The following INKA2 variants were observed in gnomAD, a reference collection of about 807,000 sequenced individuals.
INKA2 encodes the protein PAK4-inhibitor INKA2.
In INKA2, 3 loss-of-function variants were observed where a neutral mutation model predicts 9.8. The ratio of observed to expected loss-of-function variants is 0.31; its 90% CI spans 0.14 to 0.79. The LOEUF (loss-of-function observed/expected upper bound fraction) is 0.79, where lower values mean the gene tolerates loss of function less well. Ranked by LOEUF, INKA2 falls within the 30% of genes least tolerant of loss-of-function variation. INKA2 has a pLI of 0.62. For synonymous variants in INKA2, 147 were observed against 143.3 expected, an observed-to-expected ratio of 1.03 and a Z score of -0.18; for missense variants, 392 against 384.4, an observed-to-expected ratio of 1.02 and a Z score of -0.17.
rs1470734959 is a variant in INKA2, at chr1:111,724,456, A to G, written c.*2512T>C. ...TCATTCCAGACTTGGAGCTGGTGTC[A>G]TCTTGAATAATATGCTAGATGGCTT... On this transcript the variant is annotated 3_prime_UTR_variant, in exon 2 of 2. Coordinates refer to ENST00000357260, the MANE Select transcript of INKA2 (RefSeq NM_019099.5). 1.3e-5 allele frequency: 2 copies of G among 152,202 alleles called. No individual in the cohort carries two copies. The highest frequency in any genetic ancestry group is 4.8e-5 in the African/African-American group (2 of 41,420). 9.4% of individuals were successfully genotyped at this position (152,202 alleles called of 1,614,324 possible). A position where few individuals can be genotyped will look rare whatever the true frequency, so the allele number is the denominator to read the frequency against.
upstream of INKA2, among the ~76,000 whole-genome samples, chr1:111,740,324 G>T (rs531030521): frequency 2.0e-5 from 3 of 152,292 alleles, no homozygotes; most frequent in East Asian, 5.8e-4. Context: ...CGCCAGCCAG[G>T]CCCTGGAGGA....
chr1:111,746,638 A>C (rs1354204254), intron 1 of INKA2: 1 of 152,230 alleles, frequency 6.6e-6, no homozygotes, highest in Non-Finnish European at 1.5e-5. Flanking sequence ...CTGGAAGAAA[A>C]GATTTGTGGG....
At position 111,739,290 on chromosome 1, in the gene INKA2, C is replaced by T. The variant is rs1224882704; in HGVS notation, c.-48G>A. 4.3e-6 allele frequency: 7 copies of T among 1,610,816 alleles called. No individual in the cohort carries two copies. The highest frequency in any genetic ancestry group is 1.1e-5 in the South Asian group (1 of 90,726). ...TCAAACAGAGAGGGCCCGGGTGAAA[C>T]CCCGGCCCCACTGGAAACTGCGCTC... is the stretch of plus-strand genomic sequence containing the variant. On this transcript the variant is annotated 5_prime_UTR_variant, in exon 1 of 2. Coordinates refer to ENST00000357260, the MANE Select transcript of INKA2 (RefSeq NM_019099.5).
Position 111,723,508 on chromosome 1 carries a change from C to T in INKA2, c.*3460G>A, listed in dbSNP as rs1180591630. Reference sequence around the variant, plus strand: ...TGGAACCTTCCACAGATACCTGGGCCAATCAGGTGGCCCTTGTACCTGCCA... The same window carrying T: ...TGGAACCTTCCACAGATACCTGGGCTAATCAGGTGGCCCTTGTACCTGCCA... On this transcript the variant is annotated 3_prime_UTR_variant, in exon 2 of 2. Transcript: ENST00000357260. 1.8e-5 allele frequency: 3 copies of T among 171,182 alleles called. No individual in the cohort carries two copies. The highest frequency in any genetic ancestry group is 7.2e-5 in the African/African-American group (3 of 41,718). 10.6% of individuals were successfully genotyped at this position (171,182 alleles called of 1,614,324 possible).
chr1:111,733,198 T>TTA (rs887722794), intron 1 of INKA2, among the ~76,000 whole-genome samples: 2 of 152,236 alleles, frequency 1.3e-5, no homozygotes, highest in African/African-American at 4.8e-5. Context: ...TCCTATCTGT[T>TTA]TATGTAAATA....
chr1:111,753,755 G>A (rs1007231333), intron 1 of INKA2: 1 of 152,180 alleles, frequency 6.6e-6, no homozygotes, highest in East Asian at 1.9e-4. Context: ...GGAGGGCCTA[G>A]GATGACAAAA....
intron 1 of INKA2, among the ~76,000 whole-genome samples, chr1:111,745,072 A>C (rs999407151): frequency 2.6e-5 from 4 of 151,810 alleles, no homozygotes; most frequent in African/African-American, 9.7e-5. Flanking sequence ...AGATTTGTCC[A>C]AATAATGAAC....
rs267597925 is a variant in INKA2 at position 111,727,408 on chromosome 1, G to A, written c.454C>T (p.Arg152Ter). 7 of 1,614,072 alleles carry A rather than the reference G, an allele frequency of 4.3e-6. No individual in the cohort carries two copies. The highest frequency in any genetic ancestry group is 5.9e-6 in the Non-Finnish European group (7 of 1,180,004). The change falls in exon 2 of 2, where the codon CGA becomes TGA. Residue 152 changes from arginine to a stop codon, truncating the protein, a stop_gained. Transcript: ENST00000357260. LOFTEE classifies it high-confidence loss of function. ...TSTLMSRGRNRQPLVLGDNVF... is the reference protein window; with the variant it reads ...TSTLMSRGRN ...TTGTCCCCTAACACCAGAGGCTGTC[G>A]ATTCCGGCCCCGGGACATCAACGTG... is the stretch of plus-strand genomic sequence containing the variant.
At chr1:111,747,281 G>C (rs983020312) in intron 1 of INKA2, 1 of 152,218 alleles carries the variant, frequency 6.6e-6, no homozygotes, top group Non-Finnish European at 1.5e-5. Context: ...TAGGAGGCTG[G>C]TGATATTTGT....
At chr1:111,732,561 T>C (rs1401225166) in intron 1 of INKA2, among the ~76,000 whole-genome samples, 1 of 128,720 alleles carries the variant, frequency 7.8e-6, no homozygotes, top group Non-Finnish European at 1.6e-5. Flanking sequence ...CTAGTCTCTC[T>C]CTCTGTTACA....
At chr1:111,744,764 T>C (rs1381396216) in intron 1 of INKA2, among the ~76,000 whole-genome samples, 2 of 152,102 alleles carry the variant, frequency 1.3e-5, no homozygotes, top group African/African-American at 4.8e-5. Flanking sequence ...GTATTTTTAG[T>C]AGAGACGGGG....
rs759463669 is a variant in INKA2, at chr1:111,726,954, T to G, written c.*14A>C. ...TGGCCCTTTCAGGCTCAGTCAACTT[T>G]CTGTCTCTAGGATTCAGACCCAAAC... On this transcript the variant is annotated 3_prime_UTR_variant, in exon 2 of 2. Transcript: ENST00000357260. 21 of 1,606,258 alleles carry G rather than the reference T, an allele frequency of 1.3e-5. No individual in the cohort carries two copies. The African/African-American group carries it at 2.4e-4, about 18-fold the overall frequency.
In INKA2 at chr1:111,727,533, C is replaced by A. The variant is rs781453283; in HGVS notation, c.329G>T (p.Ser110Ile). Residue 110 changes from serine to isoleucine, a missense_variant, in exon 2 of 2, where the codon AGT (serine) becomes ATT (isoleucine). By Grantham distance (142) the Ser-to-Ile change is moderately radical. Coordinates refer to ENST00000357260, the MANE Select transcript of INKA2 (RefSeq NM_019099.5). ...GGGGGCTAAATCCCTTCCACAGACACTCCTATGGGATGGAAACTTGGTGCT... is the reference window on the plus strand; with the variant it reads ...GGGGGCTAAATCCCTTCCACAGACAATCCTATGGGATGGAAACTTGGTGCT... ...GSSTKFPSHR[S>I]VCGRDLAPLP... is the part of the protein sequence containing the mutation. The A allele has an allele frequency of 3.7e-5, 60 of 1,613,952 alleles. No individual in the cohort carries two copies. The highest frequency in any genetic ancestry group is 5.0e-5 in the Non-Finnish European group (59 of 1,179,966).
At chr1:111,745,688 A>T in intron 1 of INKA2, 1 of 152,188 alleles carries the variant, frequency 6.6e-6, no homozygotes. Flanking sequence ...GTGCAAACTA[A>T]TGATGGTGGA....
At position 111,722,913 on chromosome 1, in the gene INKA2, A is replaced by C. The variant is rs1662679173; in HGVS notation, c.*4055T>G. 1.7e-6 allele frequency: 1 copy of C among 582,160 alleles called. No individual in the cohort carries two copies. Among genetic ancestry groups the C allele is most frequent in the Non-Finnish European group, 3.1e-6 (1 of 325,554 alleles). 36.1% of individuals were successfully genotyped at this position (582,160 alleles called of 1,614,324 possible). A position where few individuals can be genotyped will look rare whatever the true frequency, so the allele number is the denominator to read the frequency against. ...GCTGAGCTTCTGCTGTATTCCAGGC[A>C]GTGCTTGGACCGTAGGTGCATTATG... On this transcript the variant is annotated 3_prime_UTR_variant, in exon 2 of 2. Transcript: ENST00000357260.
upstream of INKA2, among the ~76,000 whole-genome samples, chr1:111,739,610 G>A (rs1663097090): frequency 6.6e-6 from 1 of 152,346 alleles, no homozygotes; most frequent in East Asian, 1.9e-4. Context: ...GGCCAGCGCG[G>A]CGGAGGGCAT....
intron 1 of INKA2, among the ~76,000 whole-genome samples, chr1:111,728,535 T>C (rs1480615751): frequency 6.6e-6 from 1 of 152,040 alleles, no homozygotes; most frequent in Non-Finnish European, 1.5e-5. Context: ...ACTCCAAAAA[T>C]CTGAAAGCCA....
intron 1 of INKA2, among the ~76,000 whole-genome samples, chr1:111,737,933 G>T (rs998903973): frequency 2.6e-5 from 4 of 152,152 alleles, no homozygotes; most frequent in African/African-American, 9.7e-5. Context: ...CCCAGAGCTG[G>T]CCCCTAACAC....
At chr1:111,733,443 GC>G (rs1662953227) in intron 1 of INKA2, among the ~76,000 whole-genome samples, 1 of 152,180 alleles carries the variant, frequency 6.6e-6, no homozygotes, top group South Asian at 2.1e-4. Flanking sequence ...TGACCTCTTA[GC>G]CTCCTGGGAT....
Sources: gnomAD v4.1 joint callset for allele counts (sites outside exome capture counted in the v4.1 genomes callset) on GRCh38, gnomAD v4.1.1 for gene constraint, MANE v1.5 for transcripts, NCBI Gene and HGNC (gene_info 2026-07-23, HGNC 2026-07-21) for gene names.